ABCD2: variants seen among roughly 807,000 people sequenced by gnomAD.
ABCD2 encodes the protein ATP-binding cassette sub-family D member 2.
ABCD2 carries 36 observed loss-of-function variants against 70.9 expected under a neutral mutation model. That is an observed-to-expected ratio of 0.51 (90% CI 0.39 to 0.67). The LOEUF (loss-of-function observed/expected upper bound fraction) is 0.67. ABCD2 is among the 30% of genes least tolerant of loss of function. The pLI, the probability that ABCD2 is intolerant of heterozygous loss-of-function variation, is 0.00. For missense variants in ABCD2, 729 were observed against 890.2 expected (o/e 0.82, Z 2.30); for synonymous variants, 304 against 306.9 (o/e 0.99, Z 0.10).
downstream of ABCD2, among the ~76,000 whole-genome samples, chr12:39,546,080 G>A (rs944402400): frequency 3.3e-5 from 5 of 152,064 alleles, no homozygotes; most frequent in Admixed American, 1.3e-4. Flanking sequence ...TGGAGAGGAG[G>A]AAAGAAAGTA....
chr12:39,555,414 C>T (rs1463833649), intron 9 of ABCD2, among the ~76,000 whole-genome samples: 1 of 152,124 alleles, frequency 6.6e-6, no homozygotes, highest in Non-Finnish European at 1.5e-5. Context: ...ATCAAAATTA[C>T]CTACACACAA....
At chr12:39,587,883 A>G (rs1476011446) in intron 6 of ABCD2, among the ~76,000 whole-genome samples, 2 of 152,234 alleles carry the variant, frequency 1.3e-5, no homozygotes, top group African/African-American at 4.8e-5. Flanking sequence ...GAATTAATCC[A>G]TGTAATTTTT....
At position 39,619,188 on chromosome 12, in the gene ABCD2, A is replaced by G; in HGVS notation, c.428T>C (p.Phe143Ser). ...KSIVEKKPRT[F>S]IIKLIKWLMI... ...AAGCCACTTGATTAATTTGATGATG[A>G]AAGTCCGAGGCTTCTTTTCCACAAT... The change falls in exon 1 of 10, where the codon TTC (phenylalanine) becomes TCC (serine). Residue 143 changes from phenylalanine (F) to serine (S), a missense_variant. By Grantham distance (155) the Phe-to-Ser change is radical (BLOSUM62 -2). This residue lies in a region of ABCD2 where 245 missense variants were observed against 261.2 expected (regional missense o/e 0.94). Transcript: ENST00000308666. 6.2e-7 allele frequency: 1 copy of G among 1,614,214 alleles called. No homozygotes were observed. The highest frequency in any genetic ancestry group is 8.5e-7 in the Non-Finnish European group (1 of 1,180,036).
intron 8 of ABCD2, among the ~76,000 whole-genome samples, chr12:39,576,008 G>A: frequency 6.6e-6 from 1 of 152,188 alleles, no homozygotes; most frequent in African/African-American, 2.4e-5. Flanking sequence ...CTGATACAGT[G>A]ACAAATTTAT....
At chr12:39,605,810 G>A (rs553559319) in intron 3 of ABCD2, among the ~76,000 whole-genome samples, 1 of 152,134 alleles carries the variant, frequency 6.6e-6, no homozygotes, top group South Asian at 2.1e-4. Flanking sequence ...AGAAATAAAT[G>A]TTTCTTAATA....
At chr12:39,541,142 A>G in the ABCD2 span, among the ~76,000 whole-genome samples, 1 of 152,244 alleles carries the variant, frequency 6.6e-6, no homozygotes, top group Admixed American at 6.5e-5. Flanking sequence ...ATGATCTAGT[A>G]GTGTAAATAG....
In ABCD2 at chr12:39,550,773, T is replaced by C. The variant is rs894095410; in HGVS notation, c.*3139A>G. 2.6e-5 allele frequency: 4 copies of C among 151,774 alleles called. No homozygotes were observed. The highest frequency in any genetic ancestry group is 4.4e-5 in the Non-Finnish European group (3 of 67,692). The allele number at this position is 151,774 out of a possible 1,614,324, so 9.4% of individuals were successfully genotyped here. On this transcript the variant is annotated 3_prime_UTR_variant, in exon 10 of 10. Coordinates refer to ENST00000308666, the MANE Select transcript of ABCD2 (RefSeq NM_005164.4). Reference sequence around the variant, plus strand: ...ATTATATCAAAGTCATCTTTTTAAATCAATGATTTAATAACCTTTACCATC... The same window carrying C: ...ATTATATCAAAGTCATCTTTTTAAACCAATGATTTAATAACCTTTACCATC...
At chr12:39,581,245 G>A (rs1180042770) in intron 7 of ABCD2, among the ~76,000 whole-genome samples, 1 of 152,092 alleles carries the variant, frequency 6.6e-6, no homozygotes, top group East Asian at 1.9e-4. Flanking sequence ...TGAATTATGT[G>A]AAAGTGTTAC....
intron 8 of ABCD2, among the ~76,000 whole-genome samples, chr12:39,578,967 T>C (rs895122816): frequency 6.6e-6 from 1 of 152,168 alleles, no homozygotes; most frequent in Non-Finnish European, 1.5e-5. Context: ...AAACTTAGGA[T>C]ACATAAAAAT....
intron 2 of ABCD2, among the ~76,000 whole-genome samples, chr12:39,616,193 T>C (rs1942112557): frequency 6.6e-6 from 1 of 152,130 alleles, no homozygotes; most frequent in Non-Finnish European, 1.5e-5. Flanking sequence ...GATGTCTTAT[T>C]TTAGGAAAAG....
At position 39,555,244 on chromosome 12, in the gene ABCD2, A is replaced by G. The variant is rs140452673; in HGVS notation, c.2004-1113T>C. On this transcript the variant is annotated intron_variant, in intron 9 of 9. Transcript: ENST00000308666. ...ACAACCACTAATCTCCCCTCTCTCT[A>G]TAGATTTCTCTATTATAGACATTTC... is the stretch of plus-strand genomic sequence containing the variant. Among the ~76,000 whole-genome samples the G allele has an allele frequency of 6.8e-3, 1,042 of 152,126 alleles. 7 individuals are homozygous for G. Among genetic ancestry groups the G allele is most frequent in the South Asian group, 0.024 (118 of 4,818 alleles).
At chr12:39,581,317 A>C (rs1342443816) in intron 7 of ABCD2, among the ~76,000 whole-genome samples, 1 of 152,200 alleles carries the variant, frequency 6.6e-6, no homozygotes, top group Non-Finnish European at 1.5e-5. Flanking sequence ...AAAATTATCA[A>C]TAAAAAATAT....
At chr12:39,538,256 AC>A in the ABCD2 span, among the ~76,000 whole-genome samples, 1 of 143,634 alleles carries the variant, frequency 7.0e-6, no homozygotes, top group African/African-American at 2.7e-5. Context: ...TGCAACCTCC[AC>A]CTCCAGGGTT....
At chr12:39,613,721 CTG>C (rs1340574121) in intron 2 of ABCD2, among the ~76,000 whole-genome samples, 5 of 152,182 alleles carry the variant, frequency 3.3e-5, no homozygotes, top group African/African-American at 9.7e-5. Context: ...CGCTAACTAA[CTG>C]TGTGACTTTA....
At chr12:39,611,774 A>G (rs2120766543) in intron 2 of ABCD2, among the ~76,000 whole-genome samples, 1 of 152,150 alleles carries the variant, frequency 6.6e-6, no homozygotes, top group South Asian at 2.1e-4. Context: ...GTAGGGTGGG[A>G]AAATATATTT....
chr12:39,576,919 A>G (rs1941525862), intron 8 of ABCD2, among the ~76,000 whole-genome samples: 1 of 152,204 alleles, frequency 6.6e-6, no homozygotes, highest in African/African-American at 2.4e-5. Flanking sequence ...TACAATAACA[A>G]TAAGCCCTGG....
At chr12:39,615,812 C>A (rs1463346247) in intron 2 of ABCD2, among the ~76,000 whole-genome samples, 1 of 152,050 alleles carries the variant, frequency 6.6e-6, no homozygotes, top group East Asian at 1.9e-4. Flanking sequence ...AAACAAATAA[C>A]TATTCATCCT....
chr12:39,591,624 A>G (rs917929074), intron 6 of ABCD2, among the ~76,000 whole-genome samples: 2 of 152,256 alleles, frequency 1.3e-5, no homozygotes, highest in African/African-American at 4.8e-5. Context: ...AGGCACAAGA[A>G]TCTCTTGAAC....
At chr12:39,566,472 G>A (rs1941349929) in intron 9 of ABCD2, among the ~76,000 whole-genome samples, 1 of 152,122 alleles carries the variant, frequency 6.6e-6, no homozygotes, top group African/African-American at 2.4e-5. Flanking sequence ...GATCAGTGGT[G>A]ATATTCCCTT....
Sources: gnomAD v4.1 joint callset for allele counts (sites outside exome capture counted in the v4.1 genomes callset) on GRCh38, gnomAD v4.1.1 for gene constraint, gnomAD v4.1.1 regional missense constraint, MANE v1.5 for transcripts, NCBI Gene and HGNC (gene_info 2026-07-23, HGNC 2026-07-21) for gene names.